Variants in MID1 observed in about 807,000 individuals in gnomAD.
The protein encoded by MID1 is midline 1, also known as E3 ubiquitin-protein ligase Midline-1.
Under a neutral mutation model 40.4 loss-of-function variants are expected in MID1, and 7 were observed. That is an observed-to-expected ratio of 0.17 (90% CI 0.10 to 0.33). The LOEUF is 0.33. Ranked by LOEUF, MID1 falls within the 10% of genes least tolerant of loss-of-function variation. MID1 has a pLI of 1.00. For synonymous variants in MID1, 229 were observed against 221.2 expected (o/e 1.04, Z -0.31); for missense variants, 367 against 558.5 (o/e 0.66, Z 3.46).
chrX:10,522,741 C>T (rs1399610022), intron 3 of MID1, among the ~76,000 whole-genome samples: 1 of 111,963 alleles, frequency 8.9e-6, no homozygotes, highest in Non-Finnish European at 1.9e-5. Context: ...CGTGATCTGC[C>T]TGCCTCGGCC....
At position 10,754,309 on chromosome X, in the gene MID1, G is replaced by GTTT. The variant is rs200251008; in HGVS notation, c.-187+79242_-187+79244dup. Among the ~76,000 whole-genome samples, 286 of 104,500 alleles carry GTTT rather than the reference G, an allele frequency of 2.7e-3. 10 individuals carry two copies. The highest frequency in any genetic ancestry group is 0.011 in the African/African-American group (269 of 25,029). 90.7% of individuals were successfully genotyped at this position (104,500 alleles called of 115,157 possible). A position where few individuals can be genotyped will look rare whatever the true frequency, so the allele number is the denominator to read the frequency against. ...AGAATAGACAAGAGAGTTTTTTTTT[G>GTTT]TTTTTTGTTTTTTGTTTTTTTTGTC... is the stretch of plus-strand genomic sequence containing the variant. On this transcript the variant is annotated intron_variant, in intron 1 of 10. Coordinates refer to the MID1 transcript ENST00000380785.
intron 1 of MID1, among the ~76,000 whole-genome samples, chrX:10,694,518 A>C (rs1243895289): frequency 8.9e-6 from 1 of 112,174 alleles, no homozygotes; most frequent in Non-Finnish European, 1.9e-5. Context: ...CTAAGAGTGT[A>C]GGGGAAAAGT....
In MID1 at chrX:10,733,109, G is replaced by A. The variant is rs749431263; in HGVS notation, c.-187+100445C>T. Reference sequence around the variant, plus strand: ...GATCTCCTGACCTCATGATCTGCCCGCCTCAGCCTCCCAAAGTGCTGGGAT... The same window carrying A: ...GATCTCCTGACCTCATGATCTGCCCACCTCAGCCTCCCAAAGTGCTGGGAT... On this transcript the variant is annotated intron_variant, in intron 1 of 10. Coordinates refer to the MID1 transcript ENST00000380785. 6.3e-5 allele frequency among the ~76,000 whole-genome samples: 7 copies of A among 111,235 alleles called. No homozygotes were observed. In the East Asian group the frequency reaches 8.4e-4, roughly 13 times the overall value.
At chrX:10,504,268 T>C (rs1038611412) in intron 3 of MID1, among the ~76,000 whole-genome samples, 5 of 111,273 alleles carry the variant, frequency 4.5e-5, no homozygotes, top group African/African-American at 1.3e-4. Context: ...GCAGACCAGG[T>C]GCGATGCTGC....
Position 10,747,283 on chromosome X carries a change from G to C in MID1, c.-187+86271C>G, listed in dbSNP as rs140750054. The stretch of plus-strand genomic sequence containing the variant: ...TAGCATGACAGTGAGAGCTCATGCC[G>C]TGGCAGCTGGAAAATGAGTTCTATA... On this transcript the variant is annotated intron_variant, in intron 1 of 10. Coordinates refer to the MID1 transcript ENST00000380785. Among the ~76,000 whole-genome samples the C allele has an allele frequency of 7.0e-3, 780 of 111,955 alleles. 7 individuals carry two copies. Among genetic ancestry groups the C allele is most frequent in the Non-Finnish European group, 8.7e-3 (465 of 53,160 alleles).
intron 1 of MID1, among the ~76,000 whole-genome samples, chrX:10,708,838 C>T (rs1268725193): frequency 8.9e-6 from 1 of 111,793 alleles, no homozygotes; most frequent in East Asian, 2.8e-4. Context: ...TGGTTATTAC[C>T]AAATTTACAA....
chrX:10,490,556 G>A (rs947532302), intron 4 of MID1, among the ~76,000 whole-genome samples: 8 of 111,249 alleles, frequency 7.2e-5, no homozygotes, highest in Non-Finnish European at 1.3e-4. Flanking sequence ...TAAGAATAAA[G>A]GCTATTTTGA....
rs192452363 is a variant in MID1, at chrX:10,784,312, G to A, written c.-187+49242C>T. Among the ~76,000 whole-genome samples the A allele has an allele frequency of 1.6e-3, 180 of 111,594 alleles. 3 individuals carry two copies. Among genetic ancestry groups the A allele is most frequent in the African/African-American group, 5.5e-3 (168 of 30,709 alleles). ...GAAACGTATGTTACTTTCCAACAAT[G>A]GGCAATGGCAGCATTCATATGAGAT... On this transcript the variant is annotated intron_variant, in intron 1 of 10. Coordinates refer to the MID1 transcript ENST00000380785.
chrX:10,491,817 T>C (rs1467617814), intron 4 of MID1, among the ~76,000 whole-genome samples: 2 of 112,014 alleles, frequency 1.8e-5, no homozygotes, highest in African/African-American at 6.5e-5. Context: ...GCTGAAATAC[T>C]TGCTTTCAAC....
chrX:10,690,661 T>C (rs1358343348), intron 1 of MID1, among the ~76,000 whole-genome samples: 1 of 111,722 alleles, frequency 9.0e-6, no homozygotes, highest in African/African-American at 3.3e-5. Context: ...GTTCAGGTCC[T>C]GTGTGATCTT....
At chrX:10,714,958 C>T (rs1053616901) in intron 1 of MID1, among the ~76,000 whole-genome samples, 6 of 112,630 alleles carry the variant, frequency 5.3e-5, no homozygotes, top group African/African-American at 1.9e-4. Flanking sequence ...CCAATCAAGA[C>T]ATAATATTTC....
intron 2 of MID1, among the ~76,000 whole-genome samples, chrX:10,543,645 C>A (rs1569095743): frequency 9.1e-6 from 1 of 109,997 alleles, no homozygotes; most frequent in Non-Finnish European, 1.9e-5. Flanking sequence ...GAGTTTGAGA[C>A]CAGCCTGGCC....
At chrX:10,748,187 G>A (rs2043573178) in intron 1 of MID1, among the ~76,000 whole-genome samples, 1 of 110,768 alleles carries the variant, frequency 9.0e-6, no homozygotes, top group Non-Finnish European at 1.9e-5. Context: ...GGCCTCCCTC[G>A]AAGCAACCCT....
chrX:10,518,668 A>G (rs764540052), intron 3 of MID1, among the ~76,000 whole-genome samples: 21 of 112,105 alleles, frequency 1.9e-4, no homozygotes, highest in South Asian at 1.5e-3. Flanking sequence ...TAGGAATAAA[A>G]ACAAACGTAA....
At chrX:10,501,701 T>C in intron 3 of MID1, 1 of 482,451 alleles carries the variant, frequency 2.1e-6, no homozygotes, top group Non-Finnish European at 3.4e-6. Context: ...CCACCAATAA[T>C]CAGTTGCAGT....
chrX:10,470,528 G>GACTT (rs929466093), intron 6 of MID1, among the ~76,000 whole-genome samples: 4 of 111,802 alleles, frequency 3.6e-5, no homozygotes, highest in African/African-American at 1.3e-4. Context: ...ATGTTTCGAT[G>GACTT]ACTTACATAA....
rs184198595 is a variant in MID1, at chrX:10,722,880, C to T, written c.-186-102461G>A. Among the ~76,000 whole-genome samples, 499 of 111,599 alleles carry T rather than the reference C, an allele frequency of 4.5e-3. 1 individual carries two copies. Among genetic ancestry groups the T allele is most frequent in the Middle Eastern group, 0.018 (4 of 217 alleles). On this transcript the variant is annotated intron_variant, in intron 1 of 10. Transcript: ENST00000380785. The stretch of plus-strand genomic sequence containing the variant: ...TGTTATTATTACTATTTTTTCTTAT[C>T]AGAGAGGTTGTGTCTCATGGTTGAG...
chrX:10,460,606 T>C (rs996070450), intron 7 of MID1, among the ~76,000 whole-genome samples: 3 of 111,061 alleles, frequency 2.7e-5, no homozygotes, highest in African/African-American at 9.9e-5. Flanking sequence ...TTCCAAACCC[T>C]TGGTGACCAG....
At chrX:10,474,537 T>C in intron 6 of MID1, 86 bp downstream of exon 6, 2 of 990,130 alleles carry the variant, frequency 2.0e-6, no homozygotes, top group African/African-American at 3.7e-5. Flanking sequence ...CCCATTCCTC[T>C]GGTTATTGGG....
Sources: gnomAD v4.1 joint callset for allele counts (sites outside exome capture counted in the v4.1 genomes callset) on GRCh38, gnomAD v4.1.1 for gene constraint, MANE v1.5 for transcripts, NCBI Gene and HGNC (gene_info 2026-07-23, HGNC 2026-07-21) for gene names.